CTSZ: variants seen among roughly 807,000 people sequenced by gnomAD.
CTSZ encodes carboxypeptidase LB.
A neutral mutation model predicts 32.4 loss-of-function variants in CTSZ; 39 were observed. That is an observed-to-expected ratio of 1.20 (90% CI 0.93 to 1.57). CTSZ has a LOEUF of 1.57. CTSZ is among the 40% of genes most tolerant of loss of function. The probability of loss-of-function intolerance (pLI) is 0.00; values close to 1 mark genes in which losing one functional copy is unlikely to be tolerated. For synonymous variants in CTSZ, 168 were observed against 170.1 expected (o/e 0.99, Z 0.10); for missense variants, 397 against 419.6 (o/e 0.95, Z 0.47).
In CTSZ at chr20:59,006,492, A is replaced by C. The variant is rs1342238913; in HGVS notation, c.144-7T>G. On this transcript the variant is annotated splice_region_variant and splice_polypyrimidine_tract_variant and intron_variant, in intron 1 of 5. Transcript: ENST00000217131. ...ATGAGGCCGGGGGTATGTGCTGAGAAGAGATCATCCCCACCCAGATCGGTG... is the reference window on the plus strand; with the variant it reads ...ATGAGGCCGGGGGTATGTGCTGAGACGAGATCATCCCCACCCAGATCGGTG... 1 of 1,609,118 alleles carries C rather than the reference A, an allele frequency of 6.2e-7. No homozygotes were observed. Among genetic ancestry groups the C allele is most frequent in the South Asian group, 1.1e-5 (1 of 90,986 alleles).
At chr20:58,997,329 ACAACCATCCATAG>A (rs2091865935) in intron 4 of CTSZ, 3 of 319,448 alleles carry the variant, frequency 9.4e-6, no homozygotes, top group Non-Finnish European at 1.7e-5. Flanking sequence ...CGCATTCCGC[ACAACCATCCATAG>A]GGGCAGACTT....
rs375598301 is a variant in CTSZ at position 59,004,242 on chromosome 20, G to C, written c.307+2080C>G. Among the ~76,000 whole-genome samples the C allele has an allele frequency of 6.6e-6, 1 of 152,132 alleles. No homozygotes were observed. Among genetic ancestry groups the C allele is most frequent in the Non-Finnish European group, 1.5e-5 (1 of 68,020 alleles). ...GTGTCAGGTGACCGGGACAGCGGGC[G>C]AGTGGGCAGGTGGATGTCAAGCTGA... On this transcript the variant is annotated intron_variant, in intron 2 of 5. Coordinates refer to ENST00000217131, the MANE Select transcript of CTSZ (RefSeq NM_001336.4). This position sits in a 1 kb window ranked among gnomAD's most constrained non-coding sequence, Gnocchi z 5.6.
rs765113304 is a variant in CTSZ at position 58,996,765 on chromosome 20, G to A, written c.675C>T (p.Tyr225=). The change falls in exon 5 of 6, where the codon TAC becomes TAT. Residue 225 remains tyrosine (Y), a synonymous_variant. Transcript: ENST00000217131. ...GGTATTCGGCATAGATGCCTCCGGTGTAGTTAGCCAGTCTTTCTGTTGCCA... is the reference window on the plus strand; with the variant it reads ...GGTATTCGGCATAGATGCCTCCGGTATAGTTAGCCAGTCTTTCTGTTGCCA... ...GIMATERLAN[Y]TGGIYAEYQD... The A allele has an allele frequency of 4.3e-6, 7 of 1,614,042 alleles. No homozygotes were observed. In the South Asian group the frequency reaches 6.6e-5, roughly 15 times the overall value.
chr20:59,001,529 C>T lies in CTSZ; in HGVS notation c.423G>A (p.Trp141Ter), dbSNP rs1429703258. The T allele has an allele frequency of 6.2e-7, 1 of 1,614,166 alleles. No individual in the cohort carries two copies. Among genetic ancestry groups the T allele is most frequent in the Non-Finnish European group, 8.5e-7 (1 of 1,180,004 alleles). The change falls in exon 3 of 6, where the codon TGG becomes TGA. Residue 141 changes from tryptophan (W) to a stop codon, truncating the protein, a stop_gained. Coordinates refer to ENST00000217131, the MANE Select transcript of CTSZ (RefSeq NM_001336.4). LOFTEE classifies it high-confidence loss of function. ...GGATGCCGTGCTGGTGGGCGTAGTCCCACACGGACAGGTCATTACCCCCTT... is the reference window on the plus strand; with the variant it reads ...GGATGCCGTGCTGGTGGGCGTAGTCTCACACGGACAGGTCATTACCCCCTT... Reference protein sequence around the residue: ...SCEGGNDLSVWDYAHQHGIPD... With the variant: ...SCEGGNDLSV
rs574922647 is a variant in CTSZ, at chr20:59,001,650, A to G, written c.308-6T>C. ...CCTCTTGATGTTGATCCGATCTGCA[A>G]CAGTCAGCACCTGCCAGTCAGCACT... is the stretch of plus-strand genomic sequence containing the variant. On this transcript the variant is annotated splice_polypyrimidine_tract_variant and splice_region_variant and intron_variant, in intron 2 of 5. Transcript: ENST00000217131. 535 of 1,611,464 alleles carry G rather than the reference A, an allele frequency of 3.3e-4. 9 individuals are homozygous for G. In the South Asian group the frequency reaches 4.9e-3, roughly 15 times the overall value.
chr20:58,996,504 G>T, intron 5 of CTSZ, 135 bp downstream of exon 5: 1 of 926,372 alleles, frequency 1.1e-6, no homozygotes, highest in Non-Finnish European at 1.7e-6. Flanking sequence ...TCGCGCGGTG[G>T]CTGAGACAGC....
In CTSZ at chr20:58,997,567, C is replaced by T. The variant is rs568239186; in HGVS notation, c.638+36G>A. On this transcript the variant is annotated intron_variant, in intron 4 of 5. Coordinates refer to ENST00000217131, the MANE Select transcript of CTSZ (RefSeq NM_001336.4). ...CTCACCCGCGGGACCTTTCCTCACCCGCAAACCTCTCTTTGCCCGCGGGAC... is the reference window on the plus strand; with the variant it reads ...CTCACCCGCGGGACCTTTCCTCACCTGCAAACCTCTCTTTGCCCGCGGGAC... The T allele has an allele frequency of 1.3e-5, 20 of 1,509,574 alleles. No homozygotes were observed. The East Asian group carries it at 2.4e-4, about 18-fold the overall frequency. 93.5% of individuals were successfully genotyped at this position (1,509,574 alleles called of 1,614,324 possible). A position where few individuals can be genotyped will look rare whatever the true frequency, so the allele number is the denominator to read the frequency against.
rs1228491683 is a variant in CTSZ, at chr20:59,001,544, A to G, written c.408T>C (p.Asn136=). The change falls in exon 3 of 6, where the codon AAT becomes AAC. Residue 136 remains asparagine, a synonymous_variant. Coordinates refer to ENST00000217131, the MANE Select transcript of CTSZ (RefSeq NM_001336.4). ...CGNAGSCEGG[N]DLSVWDYAHQ... Reference sequence around the variant, plus strand: ...GGGCGTAGTCCCACACGGACAGGTCATTACCCCCTTCACAGGAGCCAGCGT... The same window carrying G: ...GGGCGTAGTCCCACACGGACAGGTCGTTACCCCCTTCACAGGAGCCAGCGT... 1.9e-6 allele frequency: 3 copies of G among 1,614,196 alleles called. No homozygotes were observed. The highest frequency in any genetic ancestry group is 1.3e-5 in the African/African-American group (1 of 75,056).
intron 1 of CTSZ, 46 bp downstream of exon 1, chr20:59,006,940 G>A (rs778232357): frequency 2.2e-6 from 3 of 1,356,886 alleles, no homozygotes; most frequent in African/African-American, 3.1e-5. Flanking sequence ...TGGCCCGGGC[G>A]ATGGGCCTCC....
chr20:59,007,195 C>A lies in CTSZ; in HGVS notation c.-67G>T, dbSNP rs1451608310. The A allele has an allele frequency of 7.8e-7, 1 of 1,288,190 alleles. No individual in the cohort carries two copies. The highest frequency in any genetic ancestry group is 9.8e-7 in the Non-Finnish European group (1 of 1,025,208). 79.8% of individuals were successfully genotyped at this position (1,288,190 alleles called of 1,614,324 possible). On this transcript the variant is annotated 5_prime_UTR_variant, in exon 1 of 6. Coordinates refer to ENST00000217131, the MANE Select transcript of CTSZ (RefSeq NM_001336.4). The stretch of plus-strand genomic sequence containing the variant: ...CGAGTCCCAGATCCCGCGCCGGCTC[C>A]CGCTCTGGATCCCGCCCCGGCCTCG...
Position 58,997,755 on chromosome 20 carries a change from TG to T in CTSZ, c.488-3del. 6.3e-7 allele frequency: 1 copy of T among 1,592,612 alleles called. No individual in the cohort carries two copies. The highest frequency in any genetic ancestry group is 8.5e-7 in the Non-Finnish European group (1 of 1,170,252). ...CACATTGGTTAAACTTGTCACACTCTGGGGGAGAGCAAGAAAAGTCAGCATG... is the reference window on the plus strand; with the variant it reads ...CACATTGGTTAAACTTGTCACACTCTGGGGAGAGCAAGAAAAGTCAGCATG... On this transcript the variant is annotated splice_polypyrimidine_tract_variant and splice_region_variant and intron_variant, in intron 3 of 5. Coordinates refer to ENST00000217131, the MANE Select transcript of CTSZ (RefSeq NM_001336.4).
At chr20:58,999,607 T>C (rs1217431018) in intron 3 of CTSZ, among the ~76,000 whole-genome samples, 3 of 152,222 alleles carry the variant, frequency 2.0e-5, no homozygotes, top group African/African-American at 7.2e-5. Context: ...GGGAGCCCCG[T>C]TGGCAGAGGG....
intron 2 of CTSZ, among the ~76,000 whole-genome samples, chr20:59,005,446 A>T (rs1365009631): frequency 2.6e-5 from 4 of 152,224 alleles, no homozygotes; most frequent in Non-Finnish European, 5.9e-5. Flanking sequence ...CATGGCATTG[A>T]GGAGGCGTCA....
Position 59,004,978 on chromosome 20 carries a change from C to G in CTSZ, c.307+1344G>C, listed in dbSNP as rs548014008. Among the ~76,000 whole-genome samples, 124 of 152,246 alleles carry G rather than the reference C, an allele frequency of 8.1e-4. 3 individuals carry two copies. The highest frequency in any genetic ancestry group is 1.5e-5 in the Non-Finnish European group (1 of 67,990). Reference sequence around the variant, plus strand: ...TCACCTGACTCCCTCTCAAAGAGTTCAAGGCTTCCCACAGGCACCTGTTGA... The same window carrying G: ...TCACCTGACTCCCTCTCAAAGAGTTGAAGGCTTCCCACAGGCACCTGTTGA... On this transcript the variant is annotated intron_variant, in intron 2 of 5. Transcript: ENST00000217131. The surrounding 1 kb of genome is among the most constrained non-coding windows in gnomAD (Gnocchi z 5.6).
chr20:59,005,804 A>G (rs1568684332), intron 2 of CTSZ, among the ~76,000 whole-genome samples: 1 of 152,070 alleles, frequency 6.6e-6, no homozygotes, highest in Non-Finnish European at 1.5e-5. Flanking sequence ...GGAGGGCCTT[A>G]GTTTCCCCTT....
Position 59,007,220 on chromosome 20 carries a change from G to C in CTSZ, c.-92C>G. 8.3e-7 allele frequency: 1 copy of C among 1,206,744 alleles called. No individual in the cohort carries two copies. Among genetic ancestry groups the C allele is most frequent in the South Asian group, 2.8e-5 (1 of 35,502 alleles). The allele number at this position is 1,206,744 out of a possible 1,614,324, so 74.8% of individuals were successfully genotyped here. Reference sequence around the variant, plus strand: ...CCGCTCTGGATCCCGCCCCGGCCTCGGCCTCGGCCCAGCACCCGGCCGACC... The same window carrying C: ...CCGCTCTGGATCCCGCCCCGGCCTCCGCCTCGGCCCAGCACCCGGCCGACC... On this transcript the variant is annotated 5_prime_UTR_variant, in exon 1 of 6. Coordinates refer to ENST00000217131, the MANE Select transcript of CTSZ (RefSeq NM_001336.4).
chr20:58,998,861 C>T (rs567370145), intron 3 of CTSZ, among the ~76,000 whole-genome samples: 11 of 152,322 alleles, frequency 7.2e-5, no homozygotes, highest in African/African-American at 2.2e-4. Flanking sequence ...ACACATCTGT[C>T]GGGATTCCTC....
chr20:58,998,414 G>C (rs578145698), intron 3 of CTSZ, among the ~76,000 whole-genome samples: 3 of 151,992 alleles, frequency 2.0e-5, no homozygotes, highest in African/African-American at 7.2e-5. Context: ...TGTGGTGGTG[G>C]ATGCCTGTAA....
chr20:59,000,686 C>G (rs1170205304), intron 3 of CTSZ, among the ~76,000 whole-genome samples: 2 of 152,144 alleles, frequency 1.3e-5, no homozygotes, highest in Non-Finnish European at 2.9e-5. Flanking sequence ...ACAAGGCCCC[C>G]TACACCTCTC....
Sources: allele counts gnomAD v4.1 joint callset (sites outside exome capture counted in the v4.1 genomes callset), GRCh38; gene constraint gnomAD v4.1.1; non-coding constraint Gnocchi (gnomAD v3.1); transcripts MANE v1.5; gene names NCBI Gene and HGNC (gene_info 2026-07-23, HGNC 2026-07-21).